The following RBMS3 variants were observed in gnomAD, a reference collection of about 807,000 sequenced individuals.
RBMS3 encodes the protein RNA binding motif single stranded interacting protein 3.
RBMS3 carries 27 observed loss-of-function variants against 66.8 expected under a neutral mutation model. That is an observed-to-expected ratio of 0.40 (90% confidence interval 0.30 to 0.56). RBMS3 has a LOEUF of 0.56. RBMS3 is among the 20% of genes least tolerant of loss of function. The pLI, the probability that RBMS3 is intolerant of heterozygous loss-of-function variation, is 0.40. For synonymous variants in RBMS3, 188 were observed against 183.0 expected, an observed-to-expected ratio of 1.03 and a Z score of -0.22; for missense variants, 513 against 549.5, an observed-to-expected ratio of 0.93 and a Z score of 0.66.
chr3:29,422,397 A>C lies in RBMS3; in HGVS notation c.76-12346A>C, dbSNP rs1019978767. Reference sequence around the variant, plus strand: ...CTCTTATGTAGAATATCACCAGCCCAAAAAAAAAAAAAAAATCTCCAGTAA... The same window carrying C: ...CTCTTATGTAGAATATCACCAGCCCCAAAAAAAAAAAAAAATCTCCAGTAA... On this transcript the variant is annotated intron_variant, in intron 1 of 14. Transcript: ENST00000383767. 1.2e-3 allele frequency among the ~76,000 whole-genome samples: 9 copies of C among 7,528 alleles called. No homozygotes were observed. The South Asian group carries it at 0.022, about 18-fold the overall frequency. The allele number at this position is 7,528 out of a possible 152,430, so 4.9% of individuals were successfully genotyped here.
intron 2 of RBMS3, among the ~76,000 whole-genome samples, chr3:29,479,427 G>T (rs1228348768): frequency 6.6e-6 from 1 of 151,822 alleles, no homozygotes; most frequent in African/African-American, 2.4e-5. Context: ...TGTTCATGGA[G>T]GCTTATTATG....
Position 29,896,490 on chromosome 3 carries a change from A to G in RBMS3, c.792-889A>G, listed in dbSNP as rs376512624. Among the ~76,000 whole-genome samples, 17 of 151,698 alleles carry G rather than the reference A, an allele frequency of 1.1e-4. No homozygotes were observed. In the East Asian group the frequency reaches 2.9e-3, roughly 26 times the overall value. On this transcript the variant is annotated intron_variant, in intron 8 of 14. Coordinates refer to ENST00000383767, the MANE Select transcript of RBMS3 (RefSeq NM_001003793.3). The stretch of plus-strand genomic sequence containing the variant: ...TCACATCGCTGACATACTCCATCTC[A>G]GGCAACCTGGTTTTGTCTGTTCTGT...
At chr3:29,932,914 G>A (rs1177084112) in intron 10 of RBMS3, among the ~76,000 whole-genome samples, 1 of 152,144 alleles carries the variant, frequency 6.6e-6, no homozygotes, top group Non-Finnish European at 1.5e-5. Flanking sequence ...TTGAGTGGGA[G>A]CAGCTTTGTT....
intron 3 of RBMS3, among the ~76,000 whole-genome samples, chr3:29,495,697 T>A (rs1310127796): frequency 6.6e-6 from 1 of 151,930 alleles, no homozygotes; most frequent in East Asian, 1.9e-4. Context: ...GGATTACAGG[T>A]GTGAGCCACT....
intron 6 of RBMS3, among the ~76,000 whole-genome samples, chr3:29,797,052 TGA>T (rs2057225073): frequency 2.0e-5 from 3 of 152,190 alleles, no homozygotes; most frequent in Admixed American, 2.0e-4. Flanking sequence ...TAGCCCCTAA[TGA>T]GACAGTCAGC....
intron 5 of RBMS3, among the ~76,000 whole-genome samples, chr3:29,758,373 C>T (rs2055518575): frequency 6.6e-6 from 1 of 152,210 alleles, no homozygotes; most frequent in Non-Finnish European, 1.5e-5. Context: ...CAATCACAGT[C>T]TTCTAGTGTT....
chr3:29,944,372 A>C (rs1424377524), intron 12 of RBMS3, 118 bp downstream of exon 12: 1 of 818,306 alleles, frequency 1.2e-6, no homozygotes, highest in Non-Finnish European at 2.0e-6. Context: ...AGGAAATTTG[A>C]ATTCCAGTTT....
intron 6 of RBMS3, among the ~76,000 whole-genome samples, chr3:29,832,699 G>T (rs895347976): frequency 1.3e-5 from 2 of 152,180 alleles, no homozygotes; most frequent in African/African-American, 4.8e-5. Context: ...GAGGTAATTA[G>T]CATGACTGAG....
At chr3:29,536,446 C>T (rs1212489058) in intron 3 of RBMS3, among the ~76,000 whole-genome samples, 1 of 152,120 alleles carries the variant, frequency 6.6e-6, no homozygotes, top group Admixed American at 6.5e-5. Flanking sequence ...CCTTCCTTAT[C>T]ACTGCGTCAT....
intron 3 of RBMS3, among the ~76,000 whole-genome samples, chr3:29,526,824 C>A (rs543733599): frequency 3.3e-5 from 5 of 151,936 alleles, no homozygotes; most frequent in African/African-American, 1.2e-4. Context: ...CCAATTCCTC[C>A]CTCTCTTTCT....
chr3:29,980,613 G>A (rs1475167502), intron 12 of RBMS3, among the ~76,000 whole-genome samples: 1 of 152,134 alleles, frequency 6.6e-6, no homozygotes. Context: ...TTTTGTATAA[G>A]GTGTAAGGAG....
intron 3 of RBMS3, among the ~76,000 whole-genome samples, chr3:29,565,567 A>G (rs2046712705): frequency 6.6e-6 from 1 of 152,106 alleles, no homozygotes; most frequent in South Asian, 2.1e-4. Flanking sequence ...AAGTCACAAT[A>G]AACTAGGCAA....
At chr3:29,453,524 C>G (rs2042079713) in intron 2 of RBMS3, among the ~76,000 whole-genome samples, 1 of 152,172 alleles carries the variant, frequency 6.6e-6, no homozygotes. Flanking sequence ...ATCCCCCAAC[C>G]CAGTTAGTAA....
chr3:29,940,549 C>T (rs1428929210), intron 11 of RBMS3, among the ~76,000 whole-genome samples: 2 of 151,676 alleles, frequency 1.3e-5, no homozygotes, highest in African/African-American at 4.8e-5. Flanking sequence ...TGGCTTAGTC[C>T]CACTCTTCCT....
At chr3:29,644,797 G>A (rs569027948) in intron 4 of RBMS3, among the ~76,000 whole-genome samples, 1 of 152,172 alleles carries the variant, frequency 6.6e-6, no homozygotes, top group Non-Finnish European at 1.5e-5. Flanking sequence ...TTTTATCGAT[G>A]GTTCCATGAA....
rs984469672 is a variant in RBMS3, at chr3:29,968,198, C to G, written c.1099-19945C>G. On this transcript the variant is annotated intron_variant, in intron 12 of 14. Transcript: ENST00000383767. ...CTCACTCCCACGGCTGCCCACCCGG[C>G]CTGCCCCCGTAACAGTCTGTTTCCA... Among the ~76,000 whole-genome samples, 9 of 147,306 alleles carry G rather than the reference C, an allele frequency of 6.1e-5. 1 individual carries two copies. Among genetic ancestry groups the G allele is most frequent in the Admixed American group, 4.7e-4 (7 of 14,848 alleles).
chr3:29,428,495 T>TA (rs1260660637), intron 1 of RBMS3, among the ~76,000 whole-genome samples: 1 of 151,636 alleles, frequency 6.6e-6, no homozygotes, highest in Non-Finnish European at 1.5e-5. Flanking sequence ...TGATAGTGTA[T>TA]AAAAAAATTG....
intron 4 of RBMS3, among the ~76,000 whole-genome samples, chr3:29,713,743 G>A (rs2053269827): frequency 6.6e-6 from 1 of 151,968 alleles, no homozygotes; most frequent in African/African-American, 2.4e-5. Flanking sequence ...CCATTCTATG[G>A]TGAAAAACTT....
chr3:29,546,781 C>G (rs111743038), intron 3 of RBMS3, among the ~76,000 whole-genome samples: 82 of 152,190 alleles, frequency 5.4e-4, no homozygotes, highest in Non-Finnish European at 1.1e-3. Flanking sequence ...CTCATTTCAC[C>G]TTGGAATTCA....
Sources: gnomAD v4.1 joint callset for allele counts (sites outside exome capture counted in the v4.1 genomes callset) on GRCh38, gnomAD v4.1.1 for gene constraint, MANE v1.5 for transcripts, NCBI Gene and HGNC (gene_info 2026-07-23, HGNC 2026-07-21) for gene names.